Variants in DAG1 observed in about 807,000 individuals in gnomAD.
The protein encoded by DAG1 is dystroglycan 1, also known as dystroglycan 1 (dystrophin-associated glycoprotein 1).
A neutral mutation model predicts 46.1 loss-of-function variants in DAG1; 8 were observed. The ratio of observed to expected loss-of-function variants is 0.17; its 90% CI spans 0.10 to 0.31. The LOEUF (loss-of-function observed/expected upper bound fraction) is 0.31. Ranked by LOEUF, DAG1 falls within the 10% of genes least tolerant of loss-of-function variation. DAG1 has a pLI of 1.00. For synonymous variants in DAG1, 495 were observed against 481.8 expected (o/e 1.03, Z -0.36); for missense variants, 1,003 against 1,189.9 (o/e 0.84, Z 2.31).
intron 2 of DAG1, among the ~76,000 whole-genome samples, chr3:49,524,824 C>A (rs994932718): frequency 6.6e-6 from 1 of 151,932 alleles, no homozygotes; most frequent in South Asian, 2.1e-4. Flanking sequence ...CTCTACACAC[C>A]CACACACACA....
intron 2 of DAG1, 79 bp downstream of exon 2, chr3:49,510,898 C>G: frequency 5.1e-6 from 8 of 1,566,274 alleles, no homozygotes; most frequent in Non-Finnish European, 6.9e-6. Flanking sequence ...CTTTTCAAGT[C>G]TAAGCTTCAC....
Position 49,534,094 on chromosome 3 carries a change from C to T in DAG1, c.*895C>T, listed in dbSNP as rs1402650913. ...GTGGCTGTGGCCCCCAACTTTGGTG[C>T]TCCAGGGTGGGCCAGCTGCTTGTGG... On this transcript the variant is annotated 3_prime_UTR_variant, in exon 3 of 3. Coordinates refer to ENST00000308775, the MANE Select transcript of DAG1 (RefSeq NM_004393.6). 2 of 152,446 alleles carry T rather than the reference C, an allele frequency of 1.3e-5. No homozygotes were observed. Among genetic ancestry groups the T allele is most frequent in the Non-Finnish European group, 2.9e-5 (2 of 68,100 alleles). 9.4% of individuals were successfully genotyped at this position (152,446 alleles called of 1,614,324 possible).
chr3:49,507,527 A>G (rs774647562), intron 1 of DAG1, among the ~76,000 whole-genome samples: 1 of 152,166 alleles, frequency 6.6e-6, no homozygotes, highest in South Asian at 2.1e-4. Context: ...TGTGCACTAC[A>G]TTCCAGTCTA....
Position 49,510,498 on chromosome 3 carries a change from T to C in DAG1, c.-37T>C. On this transcript the variant is annotated 5_prime_UTR_variant, in exon 2 of 3. Transcript: ENST00000308775. ...GGACCAAGTCACTTGCTTCCTTACT[T>C]AGCAAGACTATCGACTTGAGCAAAC... 1 of 1,605,008 alleles carries C rather than the reference T, an allele frequency of 6.2e-7. No individual in the cohort carries two copies. Among genetic ancestry groups the C allele is most frequent in the South Asian group, 1.1e-5 (1 of 90,888 alleles).
chr3:49,470,274 G>C lies in DAG1; in HGVS notation c.-276G>C, dbSNP rs2049469102. 1 of 152,022 alleles carries C rather than the reference G, an allele frequency of 6.6e-6. No individual in the cohort carries two copies. Among genetic ancestry groups the C allele is most frequent in the Non-Finnish European group, 1.5e-5 (1 of 67,998 alleles). The allele number at this position is 152,022 out of a possible 1,614,324, so 9.4% of individuals were successfully genotyped here. A position where few individuals can be genotyped will look rare whatever the true frequency, so the allele number is the denominator to read the frequency against. On this transcript the variant is annotated 5_prime_UTR_variant, in exon 1 of 3. Transcript: ENST00000308775. ...TGCGCTCAGCGCCCTCTCACCGCCC[G>C]GTACGTGCTCGCGCGAAGGCTGCGG...
At chr3:49,476,604 T>G (rs542439618) in intron 1 of DAG1, among the ~76,000 whole-genome samples, 1 of 152,296 alleles carries the variant, frequency 6.6e-6, no homozygotes, top group African/African-American at 2.4e-5. Flanking sequence ...CTAATCGTTT[T>G]AAAAAATACC....
chr3:49,528,306 A>C, intron 2 of DAG1, among the ~76,000 whole-genome samples: 1 of 34,788 alleles, frequency 2.9e-5, no homozygotes, highest in Admixed American at 2.3e-4. Context: ...TTTTTTTGGG[A>C]CAGAGTCTCA....
chr3:49,489,169 C>T (rs1007920440), intron 1 of DAG1, among the ~76,000 whole-genome samples: 4 of 151,644 alleles, frequency 2.6e-5, no homozygotes, highest in Non-Finnish European at 5.9e-5. Context: ...GATCTTGGCT[C>T]ACCGCAACCT....
intron 2 of DAG1, 78 bp downstream of exon 2, chr3:49,510,897 T>C: frequency 1.9e-6 from 3 of 1,568,588 alleles, no homozygotes; most frequent in Non-Finnish European, 2.6e-6. Context: ...CCTTTTCAAG[T>C]CTAAGCTTCA....
intron 1 of DAG1, among the ~76,000 whole-genome samples, chr3:49,477,559 C>CTG (rs2049718027): frequency 6.6e-6 from 1 of 152,216 alleles, no homozygotes. Context: ...TCTCAAAGTG[C>CTG]TGTGATTAAT....
At chr3:49,477,218 A>T (rs1186620984) in intron 1 of DAG1, among the ~76,000 whole-genome samples, 1 of 151,974 alleles carries the variant, frequency 6.6e-6, no homozygotes, top group Non-Finnish European at 1.5e-5. Flanking sequence ...GCTGGTCTCG[A>T]ACTCCCGACG....
chr3:49,511,435 G>C (rs1282669923), intron 2 of DAG1, among the ~76,000 whole-genome samples: 1 of 152,170 alleles, frequency 6.6e-6, no homozygotes, highest in African/African-American at 2.4e-5. Context: ...CTCTCTGTCT[G>C]AGTTTGTGGA....
Position 49,510,816 on chromosome 3 carries a change from C to T in DAG1, c.282C>T (p.Ile94=). The T allele has an allele frequency of 6.2e-7, 1 of 1,614,138 alleles. No individual in the cohort carries two copies. Reference sequence around the variant, plus strand: ...TGATTGCCTCCAGTGGAGATATCATCAAGGTGAGACTGGATATAAAGCATA... The same window carrying T: ...TGATTGCCTCCAGTGGAGATATCATTAAGGTGAGACTGGATATAAAGCATA... ...TDLIASSGDI[I]KVSAAGKEAL... is the part of the protein sequence containing the mutation. Residue 94 remains isoleucine, a synonymous_variant, in exon 2 of 3, where the codon ATC becomes ATT. Coordinates refer to ENST00000308775, the MANE Select transcript of DAG1 (RefSeq NM_004393.6).
At chr3:49,482,392 C>T (rs529635320) in intron 1 of DAG1, among the ~76,000 whole-genome samples, 1 of 152,202 alleles carries the variant, frequency 6.6e-6, no homozygotes, top group South Asian at 2.1e-4. Flanking sequence ...AGAGGAAGGC[C>T]ACTGTCTCCT....
In DAG1 at chr3:49,490,960, A is replaced by G. The variant is rs1575357983; in HGVS notation, c.-116-19459A>G. On this transcript the variant is annotated intron_variant, in intron 1 of 2. Coordinates refer to ENST00000308775, the MANE Select transcript of DAG1 (RefSeq NM_004393.6). ...GAGTGCAGTGGCACGATCTTGGCTC[A>G]CTGCAACTTCTGCCTCCCAGGTTCA... 2.2e-5 allele frequency among the ~76,000 whole-genome samples: 3 copies of G among 137,630 alleles called. No homozygotes were observed. In the South Asian group the frequency reaches 6.6e-4, roughly 30 times the overall value. The allele number at this position is 137,630 out of a possible 152,430, so 90.3% of individuals were successfully genotyped here.
chr3:49,487,016 A>G (rs932364008), intron 1 of DAG1, among the ~76,000 whole-genome samples: 4 of 152,020 alleles, frequency 2.6e-5, no homozygotes, highest in African/African-American at 9.7e-5. Flanking sequence ...CAGCCTAACC[A>G]GTAGCTGGGA....
Position 49,510,520 on chromosome 3 carries a change from A to C in DAG1, c.-15A>C. 6.2e-7 allele frequency: 1 copy of C among 1,612,196 alleles called. No homozygotes were observed. The highest frequency in any genetic ancestry group is 8.5e-7 in the Non-Finnish European group (1 of 1,179,944). ...ACTTAGCAAGACTATCGACTTGAGC[A>C]AACTTGGACCTGGGATGAGGATGTC... On this transcript the variant is annotated 5_prime_UTR_variant, in exon 2 of 3. Coordinates refer to ENST00000308775, the MANE Select transcript of DAG1 (RefSeq NM_004393.6).
At chr3:49,497,105 C>A (rs973014974) in intron 1 of DAG1, among the ~76,000 whole-genome samples, 2 of 151,436 alleles carry the variant, frequency 1.3e-5, no homozygotes, top group Admixed American at 6.6e-5. Context: ...TTGAGACCAG[C>A]CTGGGCAACA....
At chr3:49,475,814 C>T (rs1179120896) in intron 1 of DAG1, among the ~76,000 whole-genome samples, 2 of 151,876 alleles carry the variant, frequency 1.3e-5, no homozygotes, top group East Asian at 3.9e-4. Flanking sequence ...TGACATTCTC[C>T]TGCCTCGGCC....
Sources: gnomAD v4.1 joint callset for allele counts (sites outside exome capture counted in the v4.1 genomes callset) on GRCh38, gnomAD v4.1.1 for gene constraint, MANE v1.5 for transcripts, NCBI Gene and HGNC (gene_info 2026-07-23, HGNC 2026-07-21) for gene names.